The following RBMS3 variants were observed in gnomAD, a reference collection of about 807,000 sequenced individuals.
RBMS3 encodes RNA-binding motif, single-stranded-interacting protein 3.
In RBMS3, 27 loss-of-function variants were observed where a neutral mutation model predicts 66.8. That is an observed-to-expected ratio of 0.40 (90% CI 0.30 to 0.56). The LOEUF is 0.56. Ranked by LOEUF, RBMS3 falls within the 20% of genes least tolerant of loss-of-function variation. The pLI is 0.40. For missense variants in RBMS3, 513 were observed against 549.5 expected, an observed-to-expected ratio of 0.93 and a Z score of 0.66; for synonymous variants, 188 against 183.0, an observed-to-expected ratio of 1.03 and a Z score of -0.22.
At chr3:29,558,299 C>A (rs1183552906) in intron 3 of RBMS3, among the ~76,000 whole-genome samples, 1 of 150,478 alleles carries the variant, frequency 6.6e-6, no homozygotes, top group Non-Finnish European at 1.5e-5. Context: ...ATTAAAGATG[C>A]AATTGAAGAA....
rs193278865 is a variant in RBMS3, at chr3:29,780,127, G to A, written c.637+17138G>A. On this transcript the variant is annotated intron_variant, in intron 6 of 14. Transcript: ENST00000383767. ...AGGTTGATGCTTTTTGAAACATATTGATATAGTTCAAGTTTAATCCTATAT... is the reference window on the plus strand; with the variant it reads ...AGGTTGATGCTTTTTGAAACATATTAATATAGTTCAAGTTTAATCCTATAT... Among the ~76,000 whole-genome samples the A allele has an allele frequency of 2.1e-3, 319 of 151,932 alleles. 1 individual carries two copies. The highest frequency in any genetic ancestry group is 6.8e-3 in the African/African-American group (281 of 41,508).
chr3:29,728,385 T>C (rs2053980040), intron 4 of RBMS3, among the ~76,000 whole-genome samples: 1 of 151,912 alleles, frequency 6.6e-6, no homozygotes, highest in African/African-American at 2.4e-5. Context: ...TAAAGAAAAA[T>C]GTAAATAATG....
intron 11 of RBMS3, among the ~76,000 whole-genome samples, chr3:29,941,269 C>G (rs1296120494): frequency 6.6e-6 from 1 of 151,754 alleles, no homozygotes; most frequent in African/African-American, 2.4e-5. Flanking sequence ...CTTCACTGCT[C>G]TGAAATTTTG....
At chr3:29,750,192 T>C (rs1201108960) in intron 5 of RBMS3, among the ~76,000 whole-genome samples, 1 of 152,198 alleles carries the variant, frequency 6.6e-6, no homozygotes, top group East Asian at 1.9e-4. Context: ...ATTAGAGTTC[T>C]GGCAGATTTT....
At chr3:29,646,328 C>T (rs1252605843) in intron 4 of RBMS3, among the ~76,000 whole-genome samples, 1 of 152,142 alleles carries the variant, frequency 6.6e-6, no homozygotes, top group Non-Finnish European at 1.5e-5. Context: ...AGGCAGAAAA[C>T]AATTGTGGCT....
At chr3:29,679,082 C>T (rs2051376831) in intron 4 of RBMS3, among the ~76,000 whole-genome samples, 1 of 152,030 alleles carries the variant, frequency 6.6e-6, no homozygotes, top group Non-Finnish European at 1.5e-5. Context: ...GGGAGCTTGT[C>T]AGAAATGAAA....
intron 8 of RBMS3, among the ~76,000 whole-genome samples, chr3:29,894,751 CAAGAG>C (rs562949216): frequency 1.7e-4 from 26 of 151,406 alleles, no homozygotes; most frequent in Non-Finnish European, 3.1e-4. Flanking sequence ...ACAAATATAT[CAAGAG>C]AAAAGGATAG....
chr3:29,437,578 G>C (rs908405857), intron 2 of RBMS3, among the ~76,000 whole-genome samples: 1 of 152,188 alleles, frequency 6.6e-6, no homozygotes, highest in Non-Finnish European at 1.5e-5. Context: ...TCCTGTTACA[G>C]CAGTGATCTA....
chr3:29,830,866 G>T (rs1051744054), intron 6 of RBMS3, among the ~76,000 whole-genome samples: 4 of 152,032 alleles, frequency 2.6e-5, no homozygotes, highest in African/African-American at 4.8e-5. Context: ...AGAAGCACAG[G>T]GTGCTACACT....
intron 1 of RBMS3, among the ~76,000 whole-genome samples, chr3:29,362,602 C>T (rs1312652060): frequency 1.3e-5 from 2 of 152,124 alleles, no homozygotes. Context: ...AATCACCCAT[C>T]TTCTGCGTCA....
chr3:29,965,098 GT>G (rs1402288821), intron 12 of RBMS3, among the ~76,000 whole-genome samples: 8 of 151,998 alleles, frequency 5.3e-5, no homozygotes, highest in Non-Finnish European at 8.8e-5. Context: ...ACATACCACA[GT>G]TTTTTTATCC....
At chr3:29,506,070 T>A (rs2044171483) in intron 3 of RBMS3, among the ~76,000 whole-genome samples, 1 of 151,904 alleles carries the variant, frequency 6.6e-6, no homozygotes. Context: ...CCTTTATTTC[T>A]TTTTCTTGCT....
intron 13 of RBMS3, 143 bp downstream of exon 13, chr3:29,988,366 G>T: frequency 3.1e-6 from 2 of 649,658 alleles, no homozygotes; most frequent in Non-Finnish European, 5.1e-6. Flanking sequence ...GTGTATGAAA[G>T]TATAAACATT....
intron 4 of RBMS3, among the ~76,000 whole-genome samples, chr3:29,671,836 G>A (rs2051015612): frequency 6.6e-6 from 1 of 152,162 alleles, no homozygotes. Context: ...CGGGGAGAAT[G>A]GAACCAAGCT....
chr3:29,809,080 T>C (rs376658315), intron 6 of RBMS3, among the ~76,000 whole-genome samples: 1 of 151,938 alleles, frequency 6.6e-6, no homozygotes, highest in Non-Finnish European at 1.5e-5. Context: ...TTAGTACTGA[T>C]TTGCGTTTAT....
At chr3:29,299,021 G>A (rs2033483673) in intron 1 of RBMS3, among the ~76,000 whole-genome samples, 1 of 151,824 alleles carries the variant, frequency 6.6e-6, no homozygotes, top group African/African-American at 2.4e-5. Flanking sequence ...ATGAACAAAG[G>A]AGGGTAATCA....
intron 6 of RBMS3, among the ~76,000 whole-genome samples, chr3:29,788,909 A>G (rs566233940): frequency 2.0e-5 from 3 of 152,298 alleles, no homozygotes; most frequent in African/African-American, 7.2e-5. Flanking sequence ...ATGGTTATGA[A>G]TCTTTTTCCT....
chr3:29,965,392 T>G (rs1477294501), intron 12 of RBMS3, among the ~76,000 whole-genome samples: 1 of 151,870 alleles, frequency 6.6e-6, no homozygotes, highest in Non-Finnish European at 1.5e-5. Context: ...CAGCTACTGG[T>G]TTTTTTTATT....
chr3:29,433,836 A>C (rs1281758060), intron 1 of RBMS3, among the ~76,000 whole-genome samples: 1 of 152,208 alleles, frequency 6.6e-6, no homozygotes, highest in East Asian at 1.9e-4. Flanking sequence ...TATCATTTTA[A>C]TTTTGCCATA....
Sources: gnomAD v4.1 joint callset for allele counts (sites outside exome capture counted in the v4.1 genomes callset) on GRCh38, gnomAD v4.1.1 for gene constraint, MANE v1.5 for transcripts, NCBI Gene and HGNC (gene_info 2026-07-23, HGNC 2026-07-21) for gene names.